Variants in PGF observed in about 807,000 individuals in gnomAD.
PGF encodes the protein placental growth factor, also known as placenta growth factor.
PGF carries 11 observed loss-of-function variants against 25.3 expected under a neutral mutation model. The ratio of observed to expected loss-of-function variants is 0.43; its 90% confidence interval spans 0.27 to 0.72. The LOEUF is 0.72. PGF is among the 30% of genes least tolerant of loss of function. The probability of loss-of-function intolerance (pLI) is 0.18; values close to 1 mark genes in which losing one functional copy is unlikely to be tolerated. For missense variants in PGF, 230 were observed against 234.9 expected, an observed-to-expected ratio of 0.98 and a Z score of 0.14; for synonymous variants, 105 against 97.9, an observed-to-expected ratio of 1.07 and a Z score of -0.43.
rs1401695212 is a variant in PGF, at chr14:74,948,509, G to A, written c.390C>T (p.Cys130=). 1.3e-6 allele frequency: 2 copies of A among 1,588,842 alleles called. No individual in the cohort carries two copies. Among genetic ancestry groups the A allele is most frequent in the South Asian group, 1.1e-5 (1 of 89,740 alleles). The change falls in exon 4 of 7, where the codon TGC becomes TGT. Residue 130 remains cysteine (C), a splice_region_variant and synonymous_variant. Transcript: ENST00000555567. The part of the protein sequence containing the change: ...LTFSQHVRCE[C]RPLREKMKPE... ...CCCACCCGACCCCGGAGACCTACCG[G>A]CATTCGCAGCGAACGTGCTGAGAGA... is the stretch of plus-strand genomic sequence containing the variant.
chr14:74,949,288 T>C, intron 3 of PGF, 69 bp downstream of exon 3: 4 of 1,292,538 alleles, frequency 3.1e-6, no homozygotes, highest in Non-Finnish European at 4.2e-6. Context: ...CCTGGGCCTA[T>C]CTTCTTCCCT....
Position 74,955,304 on chromosome 14 carries a change from A to G in PGF, c.-62T>C. 1 of 1,094,394 alleles carries G rather than the reference A, an allele frequency of 9.1e-7. No individual in the cohort carries two copies. The highest frequency in any genetic ancestry group is 3.2e-5 in the Admixed American group (1 of 31,138). 67.8% of individuals were successfully genotyped at this position (1,094,394 alleles called of 1,614,324 possible). On this transcript the variant is annotated 5_prime_UTR_variant, in exon 1 of 7. Transcript: ENST00000555567. The surrounding 1 kb of genome is among the most constrained non-coding windows in gnomAD (Gnocchi z 4.1). The stretch of plus-strand genomic sequence containing the variant: ...AAACCACCATGCTCATCCCCCGGGG[A>G]GCCCCTGGCACAGGAGGAGAAGAGC...
intron 6 of PGF, among the ~76,000 whole-genome samples, chr14:74,944,393 C>T (rs1436566272): frequency 4.6e-5 from 7 of 151,804 alleles, no homozygotes; most frequent in Non-Finnish European, 5.9e-5. Context: ...TGAGCCACCG[C>T]GCCTGGCCTG....
chr14:74,948,639 A>G (rs1888799936), intron 3 of PGF, 56 bp from the exon 4 acceptor site: 1 of 1,130,400 alleles, frequency 8.8e-7, no homozygotes, highest in African/African-American at 1.6e-5. Context: ...AGTTTCCGGC[A>G]CTCTTCTCTC....
At chr14:74,954,229 A>C in intron 1 of PGF, 7 of 447,596 alleles carry the variant, frequency 1.6e-5, no homozygotes, top group Admixed American at 3.4e-5. Flanking sequence ...AGATCTTCCA[A>C]TCCTGCGGGT....
rs1488520568 is a variant in PGF at position 74,955,335 on chromosome 14, G to T, written c.-93C>A. The T allele has an allele frequency of 2.5e-5, 17 of 684,252 alleles. No homozygotes were observed. The highest frequency in any genetic ancestry group is 3.7e-5 in the Non-Finnish European group (17 of 454,836). 42.4% of individuals were successfully genotyped at this position (684,252 alleles called of 1,614,324 possible). A position where few individuals can be genotyped will look rare whatever the true frequency, so the allele number is the denominator to read the frequency against. ...TGGCACAGGAGGAGAAGAGCTGAGT[G>T]GGGGGCTGGACGCCTCCCTCACTGC... On this transcript the variant is annotated 5_prime_UTR_variant, in exon 1 of 7. Transcript: ENST00000555567. This position sits in a 1 kb window ranked among gnomAD's most constrained non-coding sequence, Gnocchi z 4.1.
At chr14:74,951,286 C>T (rs1189668320) in intron 2 of PGF, among the ~76,000 whole-genome samples, 2 of 152,122 alleles carry the variant, frequency 1.3e-5, no homozygotes, top group East Asian at 1.9e-4. Flanking sequence ...TGGATACTGC[C>T]CCGGAACCCA....
rs995500599 is a variant in PGF at position 74,946,463 on chromosome 14, G to A, written c.393-55C>T. The A allele has an allele frequency of 3.9e-6, 6 of 1,545,268 alleles. No homozygotes were observed. In the African/African-American group the frequency reaches 8.2e-5, roughly 21 times the overall value. On this transcript the variant is annotated intron_variant, in intron 4 of 6. Coordinates refer to ENST00000555567, the MANE Select transcript of PGF (RefSeq NM_002632.6). ...GGAACGTTAGGAAAGCAATAAGTGGGGCTCCCTGCCGCCCGGACAGGTCCC... is the reference window on the plus strand; with the variant it reads ...GGAACGTTAGGAAAGCAATAAGTGGAGCTCCCTGCCGCCCGGACAGGTCCC...
Position 74,953,887 on chromosome 14 carries a change from C to T in PGF, c.118+17G>A. 2.5e-6 allele frequency: 4 copies of T among 1,613,126 alleles called. No homozygotes were observed. The highest frequency in any genetic ancestry group is 2.5e-6 in the Non-Finnish European group (3 of 1,179,278). On this transcript the variant is annotated intron_variant, in intron 2 of 6. Transcript: ENST00000555567. This position sits in a 1 kb window ranked among gnomAD's most constrained non-coding sequence, Gnocchi z 5.4. ...GGGGCTTGGGGAGCATGCGTACCCCCAGCCTGGCCAGCTTACCTTCCACCT... is the reference window on the plus strand; with the variant it reads ...GGGGCTTGGGGAGCATGCGTACCCCTAGCCTGGCCAGCTTACCTTCCACCT...
chr14:74,951,350 C>G (rs1888867483), intron 2 of PGF, among the ~76,000 whole-genome samples: 1 of 152,230 alleles, frequency 6.6e-6, no homozygotes, highest in Non-Finnish European at 1.5e-5. Context: ...GGAAGCCTGC[C>G]TTTGCAATCC....
At chr14:74,951,160 G>T (rs1368503306) in intron 2 of PGF, among the ~76,000 whole-genome samples, 2 of 152,176 alleles carry the variant, frequency 1.3e-5, no homozygotes, top group African/African-American at 4.8e-5. Context: ...TTATCTGCTT[G>T]TTTGCTGCTC....
intron 2 of PGF, among the ~76,000 whole-genome samples, chr14:74,951,270 C>T (rs990590889): frequency 1.6e-4 from 24 of 152,116 alleles, no homozygotes; most frequent in African/African-American, 5.8e-4. Flanking sequence ...TACCACTCCG[C>T]GCCACTGGAT....
chr14:74,943,996 T>C (rs73307739), intron 6 of PGF, among the ~76,000 whole-genome samples: 3,924 of 151,530 alleles, frequency 0.026, 159 homozygotes, highest in African/African-American at 0.087. Context: ...CTGAAATTCT[T>C]GGGGGTGGGG....
chr14:74,944,292 T>G (rs182415677), intron 6 of PGF, among the ~76,000 whole-genome samples: 1 of 151,738 alleles, frequency 6.6e-6, no homozygotes, highest in Non-Finnish European at 1.5e-5. Context: ...TTAGTACAGA[T>G]GGGGTTTCAC....
In PGF at chr14:74,950,602, G is replaced by A. The variant is rs1046077373; in HGVS notation, c.119-1049C>T. Among the ~76,000 whole-genome samples the A allele has an allele frequency of 6.6e-6, 1 of 152,186 alleles. No individual in the cohort carries two copies. The highest frequency in any genetic ancestry group is 2.4e-5 in the African/African-American group (1 of 41,450). On this transcript the variant is annotated intron_variant, in intron 2 of 6. Coordinates refer to ENST00000555567, the MANE Select transcript of PGF (RefSeq NM_002632.6). This position sits in a 1 kb window ranked among gnomAD's most constrained non-coding sequence, Gnocchi z 4.1. ...CCAAATAGAGGCTCACAGGGAGAGT[G>A]GCCAGAGTCAGACACCTGGCTTCCA...
chr14:74,947,140 G>A, intron 4 of PGF: 2 of 462,426 alleles, frequency 4.3e-6, no homozygotes, highest in Non-Finnish European at 7.7e-6. Context: ...AGGGCCTCTT[G>A]GGACTGTCTG....
rs1042886 is a variant in PGF at position 74,942,064 on chromosome 14, G to T, written c.*642C>A. The T allele has an allele frequency of 0.09, 13,791 of 153,160 alleles. 854 individuals carry two copies. The highest frequency in any genetic ancestry group is 0.24 in the South Asian group (1,199 of 4,912). The allele number at this position is 153,160 out of a possible 1,614,324, so 9.5% of individuals were successfully genotyped here. On this transcript the variant is annotated 3_prime_UTR_variant, in exon 7 of 7. Coordinates refer to ENST00000555567, the MANE Select transcript of PGF (RefSeq NM_002632.6). ...GGCCCACTCTGTATGTGTCTCTTAG[G>T]GGGGGCAGGGTGGTGGCACCTTGGC...
intron 4 of PGF, chr14:74,946,967 G>C: frequency 1.5e-6 from 1 of 683,346 alleles, no homozygotes; most frequent in African/African-American, 1.8e-5. Flanking sequence ...CCAGAAGCAA[G>C]AAGAAAGGTG....
chr14:74,948,405 G>T, intron 4 of PGF, 102 bp downstream of exon 4: 1 of 638,772 alleles, frequency 1.6e-6, no homozygotes, highest in Non-Finnish European at 2.7e-6. Flanking sequence ...AGCCCGCAGC[G>T]GGGATGGGCA....
Sources: allele counts gnomAD v4.1 joint callset (sites outside exome capture counted in the v4.1 genomes callset), GRCh38; gene constraint gnomAD v4.1.1; non-coding constraint Gnocchi (gnomAD v3.1); transcripts MANE v1.5; gene names NCBI Gene and HGNC (gene_info 2026-07-23, HGNC 2026-07-21).